Variants in LDB3 observed in about 807,000 individuals in gnomAD.
LDB3 encodes the protein LIM domain binding 3.
Under a neutral mutation model 69.0 loss-of-function variants are expected in LDB3, and 49 were observed. The observed-to-expected ratio is 0.71, with a 90% CI of 0.56 to 0.90. The LOEUF (loss-of-function observed/expected upper bound fraction) is 0.90. LDB3 is among the 40% of genes least tolerant of loss of function. The pLI is 0.00. For synonymous variants in LDB3, 387 were observed against 396.2 expected (o/e 0.98, Z 0.28); for missense variants, 928 against 974.1 (o/e 0.95, Z 0.63).
chr10:86,680,476 C>A (rs1024920355), intron 4 of LDB3, among the ~76,000 whole-genome samples: 1 of 152,204 alleles, frequency 6.6e-6, no homozygotes, highest in Non-Finnish European at 1.5e-5. Flanking sequence ...CCCTCCTGGC[C>A]AGGCAGGGGA....
chr10:86,715,032 A>C (rs1033270330), intron 9 of LDB3, among the ~76,000 whole-genome samples: 2 of 152,208 alleles, frequency 1.3e-5, no homozygotes, highest in African/African-American at 4.8e-5. Context: ...CTGGGAGTGG[A>C]AGGTGCAGAG....
intron 2 of LDB3, among the ~76,000 whole-genome samples, chr10:86,672,577 G>A (rs943013113): frequency 6.6e-6 from 1 of 152,214 alleles, no homozygotes; most frequent in South Asian, 2.1e-4. Context: ...CCGCACTGAA[G>A]GTCAGGCAAG....
intron 13 of LDB3, 50 bp from the exon 14 acceptor site, chr10:86,732,837 C>T (rs1046623205): frequency 1.4e-6 from 2 of 1,450,158 alleles, no homozygotes; most frequent in African/African-American, 1.4e-5. Flanking sequence ...TTGAAATCTG[C>T]TCATGCCCTG....
At chr10:86,713,340 G>A (rs1194811154) in intron 9 of LDB3, among the ~76,000 whole-genome samples, 1 of 151,900 alleles carries the variant, frequency 6.6e-6, no homozygotes, top group Non-Finnish European at 1.5e-5. Flanking sequence ...TCCACCTCCC[G>A]GGTTCAAGAG....
At chr10:86,683,253 A>G (rs909302663) in intron 5 of LDB3, among the ~76,000 whole-genome samples, 1 of 152,174 alleles carries the variant, frequency 6.6e-6, no homozygotes, top group East Asian at 1.9e-4. Context: ...CACTCTGGCT[A>G]TGGACCAGCT....
At chr10:86,702,163 CA>C (rs2132448688) in intron 7 of LDB3, among the ~76,000 whole-genome samples, 1 of 152,302 alleles carries the variant, frequency 6.6e-6, no homozygotes, top group South Asian at 2.1e-4. Context: ...ACCCAATCAA[CA>C]GAGATTTTCA....
At chr10:86,679,237 C>T in intron 2 of LDB3, 130 bp from the exon 3 acceptor site, 1 of 1,107,328 alleles carries the variant, frequency 9.0e-7, no homozygotes, top group Non-Finnish European at 1.4e-6. Flanking sequence ...GCAGCTGGTA[C>T]TGGCCGTAGC....
intron 9 of LDB3, among the ~76,000 whole-genome samples, chr10:86,710,890 T>C (rs975929955): frequency 2.0e-5 from 3 of 152,208 alleles, no homozygotes; most frequent in African/African-American, 7.2e-5. Context: ...GCCTCATCCA[T>C]CCAGGCTGCG....
rs570165616 is a variant in LDB3, at chr10:86,709,985, C to G, written c.1166C>G (p.Ala389Gly). 6 of 1,613,228 alleles carry G rather than the reference C, an allele frequency of 3.7e-6. No individual in the cohort carries two copies. The South Asian group carries it at 6.6e-5, about 18-fold the overall frequency. ...ATHTSYSEGP[A>G]APAPKPRVVT... is the part of the protein sequence containing the mutation. ...CACACCAGCTACAGTGAGGGCCCCG[C>G]CGCCCCTGCACCCAAGCCCCGGGTT... Residue 389 changes from alanine to glycine, a missense_variant, in exon 9 of 14, where the codon GCC becomes GGC. By Grantham distance (60) the Ala-to-Gly change is moderately conservative (BLOSUM62 0). Transcript: ENST00000361373.
At chr10:86,693,503 A>C (rs532923776) in intron 7 of LDB3, among the ~76,000 whole-genome samples, 1 of 152,316 alleles carries the variant, frequency 6.6e-6, no homozygotes, top group South Asian at 2.1e-4. Flanking sequence ...ACCTGTGCAG[A>C]GTAGGACTCT....
At chr10:86,721,025 G>T (rs1433275502) in intron 12 of LDB3, among the ~76,000 whole-genome samples, 4 of 152,152 alleles carry the variant, frequency 2.6e-5, no homozygotes, top group African/African-American at 9.7e-5. Context: ...GCCCAGGCTG[G>T]TCTTGAAATC....
At position 86,709,310 on chromosome 10, in the gene LDB3, A is replaced by G. The variant is rs1049544362; in HGVS notation, c.1086-595A>G. Among the ~76,000 whole-genome samples, 3 of 152,154 alleles carry G rather than the reference A, an allele frequency of 2.0e-5. No homozygotes were observed. The East Asian group carries it at 5.8e-4, about 29-fold the overall frequency. On this transcript the variant is annotated intron_variant, in intron 8 of 13. Coordinates refer to ENST00000361373, the MANE Select transcript of LDB3 (RefSeq NM_007078.3). ...GCCACACATGGGGAAAGGTGACCCT[A>G]GGCCCCTTGAAAACTAACCCAGTTG...
chr10:86,706,201 G>C (rs975684426), intron 7 of LDB3, among the ~76,000 whole-genome samples: 1 of 148,840 alleles, frequency 6.7e-6, no homozygotes, highest in Non-Finnish European at 1.5e-5. Flanking sequence ...TAATTCCATC[G>C]GCCTTTCTAC....
intron 2 of LDB3, among the ~76,000 whole-genome samples, chr10:86,673,577 C>T (rs771478316): frequency 4.6e-5 from 7 of 151,902 alleles, no homozygotes; most frequent in Non-Finnish European, 8.8e-5. Context: ...ACAGAAGGTT[C>T]CAGTGAGAGG....
chr10:86,697,065 A>G (rs1846029452), intron 7 of LDB3, among the ~76,000 whole-genome samples: 1 of 152,202 alleles, frequency 6.6e-6, no homozygotes, highest in South Asian at 2.1e-4. Context: ...CAGGTAAAGC[A>G]GGTGCAGAAC....
At position 86,687,268 on chromosome 10, in the gene LDB3, A is replaced by C. The variant is rs1845531681; in HGVS notation, c.690-4628A>C. On this transcript the variant is annotated intron_variant, in intron 5 of 13. Transcript: ENST00000361373. ...GGCCCAAGCCCAAGGCAGTGACTTC[A>C]GTGGGTAAGCGCCTCCCTCCTCCAC... 1 of 1,614,106 alleles carries C rather than the reference A, an allele frequency of 6.2e-7. No homozygotes were observed.
At chr10:86,688,255 C>CT (rs1845598756) in intron 5 of LDB3, among the ~76,000 whole-genome samples, 1 of 152,228 alleles carries the variant, frequency 6.6e-6, no homozygotes, top group East Asian at 1.9e-4. Context: ...GACAGTGATG[C>CT]TTTTTTCCAA....
At chr10:86,716,174 C>A (rs1377569624) in intron 9 of LDB3, among the ~76,000 whole-genome samples, 153 bp from the exon 10 acceptor site, 1 of 152,198 alleles carries the variant, frequency 6.6e-6, no homozygotes, top group Non-Finnish European at 1.5e-5. Flanking sequence ...TCTGGGCCAT[C>A]AAGAAGTTCA....
At chr10:86,698,511 C>T (rs1391585616) in intron 7 of LDB3, among the ~76,000 whole-genome samples, 17 of 152,154 alleles carry the variant, frequency 1.1e-4, no homozygotes, top group African/African-American at 3.6e-4. Flanking sequence ...TCCATTCATT[C>T]CCACGTTTCT....
Sources: gnomAD v4.1 joint callset for allele counts (sites outside exome capture counted in the v4.1 genomes callset) on GRCh38, gnomAD v4.1.1 for gene constraint, MANE v1.5 for transcripts, NCBI Gene and HGNC (gene_info 2026-07-23, HGNC 2026-07-21) for gene names.